The following NOTCH2NLA variants were observed in gnomAD, a reference collection of about 807,000 sequenced individuals.
NOTCH2NLA encodes the protein notch homolog 2 N-terminal-like protein A.
At chr1:146,203,989 G>A (rs200418180) in intron 1 of NOTCH2NLA, among the ~76,000 whole-genome samples, 5 of 151,950 alleles carry the variant, frequency 3.3e-5, no homozygotes, top group South Asian at 2.1e-4. Flanking sequence ...TATAGCAAAC[G>A]TGGATCTTGA....
Position 146,195,076 on chromosome 1 carries a change from C to T in NOTCH2NLA, c.-44-5695G>A, listed in dbSNP as rs1370949354. Among the ~76,000 whole-genome samples the T allele has an allele frequency of 2.7e-5, 3 of 110,412 alleles. 1 individual carries two copies. The highest frequency in any genetic ancestry group is 5.5e-5 in the Non-Finnish European group (3 of 54,592). 72.4% of individuals were successfully genotyped at this position (110,412 alleles called of 152,430 possible). A position where few individuals can be genotyped will look rare whatever the true frequency, so the allele number is the denominator to read the frequency against. On this transcript the variant is annotated intron_variant, in intron 1 of 4. Transcript: ENST00000362074. ...CCATCCTTGTAACACTCATGACTCT[C>T]AATTCAGCACTACAGGGTCTTCTAG...
At chr1:146,159,925 AC>A (rs1476381987) in intron 3 of NOTCH2NLA, among the ~76,000 whole-genome samples, 2 of 38,726 alleles carry the variant, frequency 5.2e-5, no homozygotes, top group African/African-American at 1.7e-4. Context: ...CCGAGATTGC[AC>A]CCTGCACTCC....
At chr1:146,186,700 GA>G (rs1662783439) in intron 2 of NOTCH2NLA, among the ~76,000 whole-genome samples, 1 of 127,538 alleles carries the variant, frequency 7.8e-6, no homozygotes, top group South Asian at 2.6e-4. Flanking sequence ...GTCTCCCCTA[GA>G]AACCTTCTCT....
At chr1:146,210,814 AT>A in intron 1 of NOTCH2NLA, 2 of 263,906 alleles carry the variant, frequency 7.6e-6, no homozygotes, top group Non-Finnish European at 1.1e-5. Flanking sequence ...AATTGTATGT[AT>A]TTTAGATAAT....
intron 2 of NOTCH2NLA, among the ~76,000 whole-genome samples, chr1:146,173,119 T>C (rs1662082001): frequency 6.7e-6 from 1 of 148,812 alleles, no homozygotes; most frequent in Admixed American, 6.8e-5. Context: ...AACAGACCCT[T>C]GTTTCCTAAG....
chr1:146,228,853 T>C (rs1188923016), exon 1 of NOTCH2NLA: 6 of 1,488,758 alleles, frequency 4.0e-6, no homozygotes, highest in South Asian at 1.3e-5. Flanking sequence ...GGGGTCCCGA[T>C]AGAGGAGCCC....
intron 2 of NOTCH2NLA, among the ~76,000 whole-genome samples, chr1:146,176,639 C>CTA (rs1662271939): frequency 7.3e-6 from 1 of 137,224 alleles, no homozygotes; most frequent in Non-Finnish European, 1.7e-5. Flanking sequence ...CTAGAAAATG[C>CTA]TATAGTACAC....
At position 146,194,895 on chromosome 1, in the gene NOTCH2NLA, CAG is replaced by C. The variant is rs1478561506; in HGVS notation, c.-44-5516_-44-5515del. Among the ~76,000 whole-genome samples the C allele has an allele frequency of 4.4e-5, 5 of 113,070 alleles. 2 individuals are homozygous for C. The highest frequency in any genetic ancestry group is 1.9e-4 in the African/African-American group (5 of 26,558). 74.2% of individuals were successfully genotyped at this position (113,070 alleles called of 152,430 possible). On this transcript the variant is annotated intron_variant, in intron 1 of 4. Transcript: ENST00000362074. Reference sequence around the variant, plus strand: ...TTCCTGAATAGATCGTCATTGAACTCAGTTCCATTCCTCCATGCATGTCTGTG... The same window carrying C: ...TTCCTGAATAGATCGTCATTGAACTCTTCCATTCCTCCATGCATGTCTGTG...
intron 2 of NOTCH2NLA, among the ~76,000 whole-genome samples, chr1:146,172,723 C>T (rs2102297692): frequency 6.6e-6 from 1 of 151,960 alleles, no homozygotes; most frequent in East Asian, 1.9e-4. Context: ...TCATGCACTA[C>T]ATTGTCTCCG....
At position 146,175,328 on chromosome 1, in the gene NOTCH2NLA, C is replaced by CTT. The variant is rs1280036150; in HGVS notation, c.39-10320_39-10319dup. On this transcript the variant is annotated intron_variant, in intron 2 of 4. Transcript: ENST00000362074. ...AAAGAGAAGAAGCTCTGTCATACTACTTCTTGCCATTCCCACTCTACTCTC... is the reference window on the plus strand; with the variant it reads ...AAAGAGAAGAAGCTCTGTCATACTACTTTTCTTGCCATTCCCACTCTACTCTC... Among the ~76,000 whole-genome samples the CTT allele has an allele frequency of 3.7e-5, 5 of 135,592 alleles. 1 individual carries two copies. The highest frequency in any genetic ancestry group is 8.3e-5 in the Non-Finnish European group (5 of 60,236). The allele number at this position is 135,592 out of a possible 152,430, so 89.0% of individuals were successfully genotyped here. A position where few individuals can be genotyped will look rare whatever the true frequency, so the allele number is the denominator to read the frequency against.
At chr1:146,174,352 G>T (rs1251543745) in intron 2 of NOTCH2NLA, among the ~76,000 whole-genome samples, 1 of 133,748 alleles carries the variant, frequency 7.5e-6, no homozygotes, top group Non-Finnish European at 1.7e-5. Context: ...TGTATCAGCA[G>T]GGTGAGGCCA....
chr1:146,159,451 A>AAGAAAGAAAG (rs1661375520), intron 3 of NOTCH2NLA, among the ~76,000 whole-genome samples: 2 of 138,538 alleles, frequency 1.4e-5, no homozygotes, highest in African/African-American at 2.6e-5. Flanking sequence ...AAGAAAGAGA[A>AAGAAAGAAAG]AGAAAGAAAG....
intron 2 of NOTCH2NLA, among the ~76,000 whole-genome samples, chr1:146,188,021 T>C (rs1445179866): frequency 2.2e-5 from 3 of 133,724 alleles, no homozygotes; most frequent in Non-Finnish European, 3.5e-5. Flanking sequence ...AAAAAAAATC[T>C]TGTTTATAAC....
intron 3 of NOTCH2NLA, among the ~76,000 whole-genome samples, 199 bp downstream of exon 3, chr1:146,164,546 CCTTTTT>C (rs1661641751): frequency 3.6e-5 from 1 of 27,708 alleles, no homozygotes; most frequent in African/African-American, 1.6e-4. Flanking sequence ...AGTATTTGGT[CCTTTTT>C]CTTTCTCTTT....
intron 2 of NOTCH2NLA, among the ~76,000 whole-genome samples, chr1:146,174,577 G>GA (rs1360824502): frequency 1.4e-5 from 2 of 142,442 alleles, no homozygotes; most frequent in Admixed American, 7.2e-5. Context: ...GAACGAAGGG[G>GA]AAAAAAAAGT....
At chr1:146,162,806 A>ATG (rs1178672556) in intron 3 of NOTCH2NLA, among the ~76,000 whole-genome samples, 1 of 15,002 alleles carries the variant, frequency 6.7e-5, no homozygotes, top group Non-Finnish European at 1.3e-4. Context: ...ATATATATAT[A>ATG]TTAAGATTGC....
At position 146,174,483 on chromosome 1, in the gene NOTCH2NLA, C is replaced by A. The variant is rs587705642; in HGVS notation, c.39-9473G>T. Among the ~76,000 whole-genome samples, 21 of 149,618 alleles carry A rather than the reference C, an allele frequency of 1.4e-4. No homozygotes were observed. The South Asian group carries it at 4.2e-3, about 30-fold the overall frequency. On this transcript the variant is annotated intron_variant, in intron 2 of 4. Transcript: ENST00000362074. ...CAACAACAACAAAGCAAAATCCCAC[C>A]ACATACAAGAAGAAAAAGAGAGGCA...
chr1:146,158,340 G>A (rs1203260569), intron 3 of NOTCH2NLA, among the ~76,000 whole-genome samples: 88 of 145,970 alleles, frequency 6.0e-4, no homozygotes, highest in African/African-American at 2.0e-3. Flanking sequence ...GACAGGCCCC[G>A]GTTTGTGATG....
intron 2 of NOTCH2NLA, among the ~76,000 whole-genome samples, chr1:146,171,763 CT>C (rs1413459745): frequency 1.8e-4 from 23 of 130,186 alleles, no homozygotes; most frequent in Admixed American, 1.7e-4. Flanking sequence ...GATATGTGTA[CT>C]TTTTTAGAAG....
Sources: gnomAD v4.1 joint callset for allele counts (sites outside exome capture counted in the v4.1 genomes callset) on GRCh38, gnomAD v4.1.1 for gene constraint, MANE v1.5 for transcripts, NCBI Gene and HGNC (gene_info 2026-07-23, HGNC 2026-07-21) for gene names.